The following CA9 variants were observed in gnomAD, a reference collection of about 807,000 sequenced individuals.
CA9 encodes the protein CA-IX.
Under a neutral mutation model 51.8 loss-of-function variants are expected in CA9, and 43 were observed. The observed-to-expected ratio is 0.83, with a 90% confidence interval of 0.65 to 1.07. The LOEUF (loss-of-function observed/expected upper bound fraction) is 1.07. Among genes scored for constraint, CA9 ranks in the 50% least tolerant of loss-of-function variants. CA9 has a pLI of 0.00. For missense variants in CA9, 574 were observed against 581.4 expected, an observed-to-expected ratio of 0.99 and a Z score of 0.13; for synonymous variants, 253 against 244.2, an observed-to-expected ratio of 1.04 and a Z score of -0.34.
Position 35,674,158 on chromosome 9 carries a change from A to G in CA9, c.199A>G (p.Ser67Gly), listed in dbSNP as rs780592140. The part of the protein sequence containing the change: ...DDPLGEEDLP[S>G]EEDSPREEDP... ...CCCACTGGGCGAGGAGGATCTGCCC[A>G]GTGAAGAGGATTCACCCAGAGAGGA... The change falls in exon 1 of 11, where the codon AGT becomes GGT. Residue 67 changes from serine (S) to glycine (G), a missense_variant. Coordinates refer to ENST00000378357, the MANE Select transcript of CA9 (RefSeq NM_001216.3). 6.2e-7 allele frequency: 1 copy of G among 1,614,154 alleles called. No homozygotes were observed. The highest frequency in any genetic ancestry group is 8.5e-7 in the Non-Finnish European group (1 of 1,180,002).
At chr9:35,674,936 G>A (rs1205854634) in intron 1 of CA9, 2 of 156,086 alleles carry the variant, frequency 1.3e-5, no homozygotes, top group South Asian at 1.9e-4. Flanking sequence ...AAGGGAGAAA[G>A]GAAAGATGGT....
chr9:35,674,193 CGG>C lies in CA9; in HGVS notation c.235_236del (p.Gly79ArgfsTer18). The C allele has an allele frequency of 1.2e-6, 2 of 1,612,492 alleles. No homozygotes were observed. Among genetic ancestry groups the C allele is most frequent in the East Asian group, 4.5e-5 (2 of 44,812 alleles). On this transcript the variant is annotated frameshift_variant, in exon 1 of 11. Transcript: ENST00000378357. LOFTEE classifies it high-confidence loss of function. ...EDSPREEDPP[G>X]EEDLPGEEDL... ...ATTCACCCAGAGAGGAGGATCCACC[CGG>C]AGAGGAGGATCTACCTGGAGAGGAG... is the stretch of plus-strand genomic sequence containing the variant.
At chr9:35,680,283 G>A in intron 9 of CA9, 144 bp downstream of exon 9, 4 of 923,282 alleles carry the variant, frequency 4.3e-6, no homozygotes, top group Non-Finnish European at 6.9e-6. Context: ...AGATCATGGT[G>A]GGGATTCCCC....
intron 5 of CA9, among the ~76,000 whole-genome samples, 186 bp from the exon 6 acceptor site, chr9:35,677,604 G>A (rs1454848020): frequency 6.6e-6 from 1 of 151,884 alleles, no homozygotes; most frequent in African/African-American, 2.4e-5. Flanking sequence ...TTAAGAGGGA[G>A]ACACTGTCTC....
chr9:35,679,261 G>A lies in CA9; in HGVS notation c.984G>A (p.Glu328=). The A allele has an allele frequency of 6.2e-7, 1 of 1,614,188 alleles. No individual in the cohort carries two copies. The highest frequency in any genetic ancestry group is 8.5e-7 in the Non-Finnish European group (1 of 1,180,024). ...ACTTCAGCCGCTACTTCCAATATGA[G>A]GGGTCTCTGACTACACCGCCCTGTG... ...PSDFSRYFQY[E]GSLTTPPCAQ... The change falls in exon 7 of 11, where the codon GAG becomes GAA. Residue 328 remains glutamate, a synonymous_variant. Transcript: ENST00000378357.
At chr9:35,678,085 G>C (rs929743609) in intron 6 of CA9, among the ~76,000 whole-genome samples, 1 of 151,980 alleles carries the variant, frequency 6.6e-6, no homozygotes, top group Non-Finnish European at 1.5e-5. Context: ...GGTGGCTCAC[G>C]CCTGTAATCC....
In CA9 at chr9:35,679,258, T is replaced by C. The variant is rs767411015; in HGVS notation, c.981T>C (p.Tyr327=). The C allele has an allele frequency of 6.2e-7, 1 of 1,614,190 alleles. No individual in the cohort carries two copies. Among genetic ancestry groups the C allele is most frequent in the Non-Finnish European group, 8.5e-7 (1 of 1,180,034 alleles). Residue 327 remains tyrosine, a synonymous_variant, in exon 7 of 11, where the codon TAT becomes TAC. Coordinates refer to ENST00000378357, the MANE Select transcript of CA9 (RefSeq NM_001216.3). ...CTGACTTCAGCCGCTACTTCCAATA[T>C]GAGGGGTCTCTGACTACACCGCCCT... The part of the protein sequence containing the change: ...LPSDFSRYFQ[Y]EGSLTTPPCA...
rs770274384 is a variant in CA9, at chr9:35,679,897, G to T, written c.1109G>T (p.Arg370Leu). Residue 370 changes from arginine to leucine, a missense_variant, in exon 8 of 11, where the codon CGG becomes CTG. Coordinates refer to ENST00000378357, the MANE Select transcript of CA9 (RefSeq NM_001216.3). ...SDTLWGPGDS[R>L]LQLNFRATQP... ...ACCCTGTGGGGACCTGGTGACTCTC[G>T]GCTACAGCTGAACTTCCGAGCGACG... 7 of 1,613,054 alleles carry T rather than the reference G, an allele frequency of 4.3e-6. No individual in the cohort carries two copies. The highest frequency in any genetic ancestry group is 1.7e-5 in the Admixed American group (1 of 59,770).
intron 6 of CA9, among the ~76,000 whole-genome samples, chr9:35,678,639 G>A (rs201078790): frequency 6.8e-6 from 1 of 146,866 alleles, no homozygotes; most frequent in Non-Finnish European, 1.5e-5. Flanking sequence ...TGTCTGTTTT[G>A]TATAGTTATC....
rs1824423265 is a variant in CA9, at chr9:35,676,355, C to T, written c.806C>T (p.Pro269Leu). 1.2e-6 allele frequency: 2 copies of T among 1,613,838 alleles called. No homozygotes were observed. The highest frequency in any genetic ancestry group is 1.3e-5 in the African/African-American group (1 of 74,926). ...FARVDEALGR[P>L]GGLAVLAAFL... ...AGAGTTGACGAGGCCTTGGGGCGCC[C>T]GGGAGGCCTGGCCGTGTTGGCCGCC... is the stretch of plus-strand genomic sequence containing the variant. Residue 269 changes from proline to leucine, a missense_variant, in exon 5 of 11, where the codon CCG (proline) becomes CTG (leucine). Transcript: ENST00000378357.
chr9:35,680,518 G>C (rs1207792475), intron 9 of CA9, among the ~76,000 whole-genome samples: 1 of 152,208 alleles, frequency 6.6e-6, no homozygotes, highest in Non-Finnish European at 1.5e-5. Context: ...ATGAGCCACT[G>C]TGCCTGGCCC....
intron 1 of CA9, 110 bp from the exon 2 acceptor site, chr9:35,675,428 T>C (rs1824396381): frequency 3.9e-6 from 5 of 1,265,834 alleles, no homozygotes; most frequent in Non-Finnish European, 4.6e-6. Flanking sequence ...CTTAAGGCAT[T>C]TGTTACCCGT....
Position 35,675,836 on chromosome 9 carries a change from T to TC in CA9, c.510dup (p.Ala171ArgfsTer93), listed in dbSNP as rs1447712503. The TC allele has an allele frequency of 6.9e-6, 11 of 1,603,956 alleles. No individual in the cohort carries two copies. Among genetic ancestry groups the TC allele is most frequent in the Non-Finnish European group, 8.5e-6 (10 of 1,179,382 alleles). ...TCCCCGGTGGATATCCGCCCCCAGC[T>TC]CGCCGCCTTCTGCCCGGCCCTGCGC... On this transcript the variant is annotated frameshift_variant, in exon 3 of 11. Coordinates refer to ENST00000378357, the MANE Select transcript of CA9 (RefSeq NM_001216.3). LOFTEE classifies it high-confidence loss of function.
In CA9 at chr9:35,674,320, G is replaced by T; in HGVS notation, c.361G>T (p.Asp121Tyr). Residue 121 changes from aspartate to tyrosine, a missense_variant, in exon 1 of 11, where the codon GAT (aspartate) becomes TAT (tyrosine). Physicochemically the swap from Asp to Tyr is radical, Grantham distance 160. Coordinates refer to ENST00000378357, the MANE Select transcript of CA9 (RefSeq NM_001216.3). ...TCTACCTACTGTTGAGGCTCCTGGAGATCCTCAAGAACCCCAGAATAATGC... is the reference window on the plus strand; with the variant it reads ...TCTACCTACTGTTGAGGCTCCTGGATATCCTCAAGAACCCCAGAATAATGC... ...EDLPTVEAPGDPQEPQNNAHR... is the reference protein window; with the variant it reads ...EDLPTVEAPGYPQEPQNNAHR... The T allele has an allele frequency of 1.2e-6, 2 of 1,613,948 alleles. No homozygotes were observed. The highest frequency in any genetic ancestry group is 1.7e-6 in the Non-Finnish European group (2 of 1,179,940).
intron 1 of CA9, 160 bp from the exon 2 acceptor site, chr9:35,675,378 T>C: frequency 2.8e-6 from 2 of 715,202 alleles, no homozygotes; most frequent in Non-Finnish European, 2.5e-6. Flanking sequence ...GCTGCGGTGT[T>C]GAGTTTGGGT....
rs367739071 is a variant in CA9 at position 35,676,404 on chromosome 9, A to G, written c.840+15A>G. ...CCTTTCTGGAGGTACCAGATCCTGGACACCCCCTACTCCCCGCTTTCCCAT... is the reference window on the plus strand; with the variant it reads ...CCTTTCTGGAGGTACCAGATCCTGGGCACCCCCTACTCCCCGCTTTCCCAT... On this transcript the variant is annotated intron_variant, in intron 5 of 10. Coordinates refer to ENST00000378357, the MANE Select transcript of CA9 (RefSeq NM_001216.3). The G allele has an allele frequency of 1.1e-5, 18 of 1,595,162 alleles. No individual in the cohort carries two copies. In the African/African-American group the frequency reaches 2.1e-4, roughly 19 times the overall value.
rs1824398621 is a variant in CA9, at chr9:35,675,547, A to C, written c.413A>C (p.Gln138Pro). The C allele has an allele frequency of 4.3e-6, 7 of 1,614,170 alleles. No homozygotes were observed. The highest frequency in any genetic ancestry group is 5.1e-6 in the Non-Finnish European group (6 of 1,180,004). The change falls in exon 2 of 11, where the codon CAG (glutamine) becomes CCG (proline). Residue 138 changes from glutamine to proline, a missense_variant. Gln to Pro is a moderately conservative substitution (Grantham distance 76). Transcript: ENST00000378357. ...CTTTTCATTTATACAGGGGATGACCAGAGTCATTGGCGCTATGGAGGTGAG... is the reference window on the plus strand; with the variant it reads ...CTTTTCATTTATACAGGGGATGACCCGAGTCATTGGCGCTATGGAGGTGAG... ...NAHRDKEGDD[Q>P]SHWRYGGDPP...
intron 1 of CA9, 40 bp from the exon 2 acceptor site, chr9:35,675,498 G>C (rs372811962): frequency 1.3e-4 from 211 of 1,612,664 alleles, no homozygotes; most frequent in Non-Finnish European, 1.6e-4. Flanking sequence ...AAGGGATTGG[G>C]GCTCTAAGCT....
At chr9:35,678,787 C>G (rs529555452) in intron 6 of CA9, among the ~76,000 whole-genome samples, 1 of 151,548 alleles carries the variant, frequency 6.6e-6, no homozygotes, top group East Asian at 1.9e-4. Context: ...TGTGATCCAC[C>G]AGCCTCGGCC....
Sources: allele counts gnomAD v4.1 joint callset (sites outside exome capture counted in the v4.1 genomes callset), GRCh38; gene constraint gnomAD v4.1.1; transcripts MANE v1.5; gene names NCBI Gene and HGNC (gene_info 2026-07-23, HGNC 2026-07-21).